Variants in NEK11 observed in about 807,000 individuals in gnomAD.
NEK11 encodes NIMA related kinase 11, also known as serine/threonine-protein kinase Nek11.
In NEK11, 72 loss-of-function variants were observed where a neutral mutation model predicts 80.7. The observed-to-expected ratio is 0.89, with a 90% CI of 0.74 to 1.08. The LOEUF (loss-of-function observed/expected upper bound fraction) is 1.08. Among genes scored for constraint, NEK11 ranks in the 50% least tolerant of loss-of-function variants. The pLI is 0.00. For missense variants in NEK11, 764 were observed against 763.6 expected (o/e 1.00, Z -0.01); for synonymous variants, 251 against 260.7 (o/e 0.96, Z 0.36).
intron 17 of NEK11, among the ~76,000 whole-genome samples, chr3:131,324,478 C>A (rs747844761): frequency 1.3e-5 from 2 of 152,138 alleles, no homozygotes; most frequent in African/African-American, 2.4e-5. Context: ...CTTTGTAAAT[C>A]TAGTTATTCT....
chr3:131,303,468 G>A (rs868244128), intron 17 of NEK11, among the ~76,000 whole-genome samples: 20 of 152,152 alleles, frequency 1.3e-4, no homozygotes, highest in Admixed American at 1.2e-3. Context: ...GTTGGTAACT[G>A]TCTTTCCTTT....
chr3:131,153,365 A>G (rs745345906), intron 9 of NEK11, among the ~76,000 whole-genome samples: 3 of 152,186 alleles, frequency 2.0e-5, no homozygotes, highest in Non-Finnish European at 4.4e-5. Context: ...CCAATCCTTT[A>G]TTACATATCT....
At chr3:131,149,469 C>T (rs2089192920) in intron 7 of NEK11, among the ~76,000 whole-genome samples, 1 of 151,968 alleles carries the variant, frequency 6.6e-6, no homozygotes, top group Non-Finnish European at 1.5e-5. Flanking sequence ...GATTTGTATT[C>T]CTTTGGGTAT....
intron 3 of NEK11, among the ~76,000 whole-genome samples, chr3:131,047,159 A>G (rs191814879): frequency 1.5e-4 from 23 of 151,924 alleles, no homozygotes; most frequent in African/African-American, 5.5e-4. Flanking sequence ...ATTCTATTTC[A>G]CCGAAGTTTT....
chr3:131,240,760 G>A (rs368875974), intron 15 of NEK11, among the ~76,000 whole-genome samples: 31 of 152,196 alleles, frequency 2.0e-4, no homozygotes, highest in African/African-American at 7.5e-4. Flanking sequence ...ATAATGAAGT[G>A]ACACAGTTTT....
Position 131,111,994 on chromosome 3 carries a change from C to T in NEK11, c.455+2073C>T, listed in dbSNP as rs1392576341. Among the ~76,000 whole-genome samples, 4 of 152,146 alleles carry T rather than the reference C, an allele frequency of 2.6e-5. No individual in the cohort carries two copies. In the East Asian group the frequency reaches 7.7e-4, roughly 29 times the overall value. The stretch of plus-strand genomic sequence containing the variant: ...TATTTTATATTGTTAATAGGGTATA[C>T]ATTGATATAAACACTTTTGAGAAAT... On this transcript the variant is annotated intron_variant, in intron 5 of 17. Transcript: ENST00000383366.
chr3:131,250,756 C>T (rs758013806), intron 16 of NEK11, among the ~76,000 whole-genome samples: 6 of 152,022 alleles, frequency 3.9e-5, no homozygotes, highest in Non-Finnish European at 4.4e-5. Context: ...AGGAATGGAA[C>T]TAATGGATAA....
At chr3:131,318,677 C>T (rs1348645399) in intron 17 of NEK11, among the ~76,000 whole-genome samples, 2 of 151,068 alleles carry the variant, frequency 1.3e-5, no homozygotes, top group Non-Finnish European at 2.9e-5. Context: ...AAGGAAGATG[C>T]AGAACAATAG....
At chr3:131,175,277 T>A in intron 14 of NEK11, 1 of 255,868 alleles carries the variant, frequency 3.9e-6, no homozygotes, top group Non-Finnish European at 6.1e-6. Flanking sequence ...AAAATGCATC[T>A]ACAAGAAGAC....
intron 3 of NEK11, among the ~76,000 whole-genome samples, chr3:131,064,070 A>T (rs2071414130): frequency 6.6e-6 from 1 of 152,212 alleles, no homozygotes; most frequent in South Asian, 2.1e-4. Flanking sequence ...GTGGAAGAAG[A>T]CAGTCACAAA....
chr3:131,135,897 A>C (rs2149625477), intron 7 of NEK11, among the ~76,000 whole-genome samples: 1 of 152,276 alleles, frequency 6.6e-6, no homozygotes, highest in South Asian at 2.1e-4. Flanking sequence ...CTAGAAAACA[A>C]AAGCAACAGA....
chr3:131,175,016 T>C, intron 14 of NEK11: 1 of 1,296,784 alleles, frequency 7.7e-7, no homozygotes, highest in South Asian at 2.5e-5. Flanking sequence ...GTGGTTGTGC[T>C]TTGCTTGCCT....
chr3:131,182,425 G>A lies in NEK11; in HGVS notation c.1399+11538G>A, dbSNP rs76905394. Among the ~76,000 whole-genome samples, 717 of 152,194 alleles carry A rather than the reference G, an allele frequency of 4.7e-3. 4 individuals are homozygous for A. The highest frequency in any genetic ancestry group is 0.016 in the African/African-American group (648 of 41,534). ...TGTCTTCAGGGAAGTATGTGAAGTC[G>A]CCAGCATTTATAACTCACCAGGTAG... On this transcript the variant is annotated intron_variant, in intron 14 of 17. Transcript: ENST00000383366.
At chr3:131,115,410 T>A (rs2080849441) in intron 5 of NEK11, among the ~76,000 whole-genome samples, 1 of 152,130 alleles carries the variant, frequency 6.6e-6, no homozygotes, top group Non-Finnish European at 1.5e-5. Flanking sequence ...CCCAGACTAA[T>A]ACAGTGCAGC....
Position 131,109,860 on chromosome 3 carries a change from GA to G in NEK11, c.398del (p.Asn133IlefsTer3). On this transcript the variant is annotated frameshift_variant, in exon 5 of 18. Coordinates refer to ENST00000383366, the MANE Select transcript of NEK11 (RefSeq NM_024800.5). LOFTEE classifies it high-confidence loss of function. ...EYKQAGKIFP[E>X]NQIIEWFIQL... Reference sequence around the variant, plus strand: ...TAAACAAGCTGGAAAAATCTTTCCAGAAAATCAAATAATAGAATGGTTTATC... The same window carrying G: ...TAAACAAGCTGGAAAAATCTTTCCAGAAATCAAATAATAGAATGGTTTATC... 6.2e-7 allele frequency: 1 copy of G among 1,606,074 alleles called. No homozygotes were observed. The highest frequency in any genetic ancestry group is 1.7e-4 in the Middle Eastern group (1 of 5,978).
chr3:131,290,287 C>A (rs916072275), intron 17 of NEK11, among the ~76,000 whole-genome samples: 1 of 152,164 alleles, frequency 6.6e-6, no homozygotes, highest in Non-Finnish European at 1.5e-5. Flanking sequence ...AATGTGTGCA[C>A]CTTCACCAGT....
At chr3:131,162,331 C>T in intron 10 of NEK11, 77 bp from the exon 11 acceptor site, 2 of 1,551,656 alleles carry the variant, frequency 1.3e-6, no homozygotes, top group Non-Finnish European at 1.7e-6. Context: ...TGTAGTGATA[C>T]TTTTATAAAA....
At chr3:131,124,151 C>A (rs1442120447) in intron 5 of NEK11, among the ~76,000 whole-genome samples, 1 of 152,138 alleles carries the variant, frequency 6.6e-6, no homozygotes, top group Non-Finnish European at 1.5e-5. Flanking sequence ...TGTCACTCCC[C>A]CCTTTTTTTG....
At chr3:131,322,899 A>T (rs114174392) in intron 17 of NEK11, among the ~76,000 whole-genome samples, 1,560 of 152,290 alleles carry the variant, frequency 0.01, 21 homozygotes, top group African/African-American at 0.035. Flanking sequence ...AAACCCATGT[A>T]GAGAGTCCAC....
Sources: gnomAD v4.1 joint callset for allele counts (sites outside exome capture counted in the v4.1 genomes callset) on GRCh38, gnomAD v4.1.1 for gene constraint, MANE v1.5 for transcripts, NCBI Gene and HGNC (gene_info 2026-07-23, HGNC 2026-07-21) for gene names.